Variants in RNF8 observed in about 807,000 individuals in gnomAD.
The protein encoded by RNF8 is E3 ubiquitin-protein ligase RNF8.
RNF8 carries 8 observed loss-of-function variants against 59.3 expected under a neutral mutation model. The observed-to-expected ratio is 0.13, with a 90% CI of 0.08 to 0.24. The LOEUF (loss-of-function observed/expected upper bound fraction) is 0.24, where lower values mean the gene tolerates loss of function less well. Among genes scored for constraint, RNF8 ranks in the 10% least tolerant of loss-of-function variants. The pLI is 1.00. For synonymous variants in RNF8, 162 were observed against 200.0 expected (o/e 0.81, Z 1.60); for missense variants, 406 against 572.6 (o/e 0.71, Z 2.97).
chr6:37,374,767 C>A, intron 5 of RNF8, 58 bp downstream of exon 5: 1 of 1,226,250 alleles, frequency 8.2e-7, no homozygotes, highest in Non-Finnish European at 1.2e-6. Context: ...TCAGCATTTT[C>A]AACAGTGCAA....
intron 2 of RNF8, among the ~76,000 whole-genome samples, chr6:37,364,178 C>CAAAAAA (rs35915593): frequency 0.021 from 1,744 of 82,176 alleles, 61 homozygotes; most frequent in African/African-American, 0.066. Flanking sequence ...GACTCTGTCT[C>CAAAAAA]AAAAAAAAAA....
In RNF8 at chr6:37,392,569, CTG is replaced by C; in HGVS notation, c.*1813_*1814del. The C allele has an allele frequency of 2.5e-6, 1 of 398,600 alleles. No individual in the cohort carries two copies. The highest frequency in any genetic ancestry group is 4.4e-6 in the Non-Finnish European group (1 of 226,060). The allele number at this position is 398,600 out of a possible 1,614,324, so 24.7% of individuals were successfully genotyped here. A position where few individuals can be genotyped will look rare whatever the true frequency, so the allele number is the denominator to read the frequency against. On this transcript the variant is annotated 3_prime_UTR_variant, in exon 8 of 8. Coordinates refer to ENST00000373479, the MANE Select transcript of RNF8 (RefSeq NM_003958.4). ...TTCCTTGCTTTGCACAAATGGTAAA[CTG>C]TACGCTATTCTGAACCTTGCTTTTT... is the stretch of plus-strand genomic sequence containing the variant.
At chr6:37,387,262 G>A (rs555184413) in intron 7 of RNF8, among the ~76,000 whole-genome samples, 18 of 152,294 alleles carry the variant, frequency 1.2e-4, no homozygotes, top group East Asian at 3.9e-4. Context: ...GTTACTTTCT[G>A]TATCCTGGAG....
At chr6:37,387,800 C>G (rs946746988) in intron 7 of RNF8, among the ~76,000 whole-genome samples, 18 of 152,148 alleles carry the variant, frequency 1.2e-4, no homozygotes, top group African/African-American at 4.1e-4. Flanking sequence ...ATAAAGGGTG[C>G]TAAGTCAAGG....
intron 7 of RNF8, among the ~76,000 whole-genome samples, chr6:37,384,480 A>C (rs1210155516): frequency 2.0e-5 from 3 of 152,080 alleles, no homozygotes; most frequent in Non-Finnish European, 2.9e-5. Flanking sequence ...TACTAGTGAG[A>C]GTGTGCCATG....
At chr6:37,362,781 A>G (rs925810892) in intron 2 of RNF8, among the ~76,000 whole-genome samples, 1 of 152,256 alleles carries the variant, frequency 6.6e-6, no homozygotes, top group Non-Finnish European at 1.5e-5. Flanking sequence ...TCAGAGCTGC[A>G]TTCTCTTATC....
At position 37,368,840 on chromosome 6, in the gene RNF8, C is replaced by T; in HGVS notation, c.597C>T (p.Pro199=). 1.2e-6 allele frequency: 2 copies of T among 1,614,086 alleles called. No homozygotes were observed. Among genetic ancestry groups the T allele is most frequent in the South Asian group, 1.1e-5 (1 of 91,072 alleles). The change falls in exon 3 of 8, where the codon CCC becomes CCT. Residue 199 remains proline, a synonymous_variant. Transcript: ENST00000373479. ...SQGKGEVAST[P]SDNLDPKLTA... The stretch of plus-strand genomic sequence containing the variant: ...GGAAAGGTGAAGTGGCCAGTACACC[C>T]TCTGACAATTTGGATCCTAAGTTGA...
chr6:37,379,763 G>A (rs169006), intron 6 of RNF8, among the ~76,000 whole-genome samples: 20,280 of 152,004 alleles, frequency 0.13, 4,028 homozygotes, highest in African/African-American at 0.43. Flanking sequence ...TAGAGATGAT[G>A]TCTTATATAA....
At position 37,390,912 on chromosome 6, in the gene RNF8, C is replaced by A. The variant is rs1770707909; in HGVS notation, c.*154C>A. 7.6e-7 allele frequency: 1 copy of A among 1,319,150 alleles called. No individual in the cohort carries two copies. Among genetic ancestry groups the A allele is most frequent in the Non-Finnish European group, 1.1e-6 (1 of 915,428 alleles). The allele number at this position is 1,319,150 out of a possible 1,614,324, so 81.7% of individuals were successfully genotyped here. On this transcript the variant is annotated 3_prime_UTR_variant, in exon 8 of 8. Transcript: ENST00000373479. ...GAGTTAGGAAGCCCTCAGTCACTTG[C>A]CTTCCACGGTGGCCAGCCCTGCTGC...
intron 2 of RNF8, 66 bp from the exon 3 acceptor site, chr6:37,368,418 G>A (rs1201780689): frequency 6.2e-7 from 1 of 1,613,212 alleles, no homozygotes; most frequent in Admixed American, 1.7e-5. Flanking sequence ...ACAGCAGCAG[G>A]AGAGAGATTC....
At chr6:37,364,511 T>C (rs1271605974) in intron 2 of RNF8, among the ~76,000 whole-genome samples, 3 of 152,214 alleles carry the variant, frequency 2.0e-5, no homozygotes, top group Admixed American at 6.5e-5. Context: ...TTAAAAAATA[T>C]ATTGACGGAT....
intron 1 of RNF8, among the ~76,000 whole-genome samples, chr6:37,357,789 C>T (rs918193906): frequency 6.6e-6 from 1 of 152,204 alleles, no homozygotes; most frequent in African/African-American, 2.4e-5. Context: ...TAAAAACACC[C>T]ACCCTAAAAT....
At chr6:37,387,427 C>T (rs1770553049) in intron 7 of RNF8, among the ~76,000 whole-genome samples, 2 of 152,168 alleles carry the variant, frequency 1.3e-5, no homozygotes, top group South Asian at 4.1e-4. Flanking sequence ...TGCAAACCTC[C>T]GCCTCCTGGG....
At position 37,392,701 on chromosome 6, in the gene RNF8, G is replaced by T; in HGVS notation, c.*1943G>T. ...ATTTGCACCATCATTTACTTTTCTG[G>T]CTTACTTTTGATAGAAATCTAGGTT... On this transcript the variant is annotated 3_prime_UTR_variant, in exon 8 of 8. Transcript: ENST00000373479. 1 of 398,312 alleles carries T rather than the reference G, an allele frequency of 2.5e-6. No individual in the cohort carries two copies. The highest frequency in any genetic ancestry group is 3.6e-5 in the East Asian group (1 of 28,062). 24.7% of individuals were successfully genotyped at this position (398,312 alleles called of 1,614,324 possible).
intron 7 of RNF8, among the ~76,000 whole-genome samples, chr6:37,382,586 G>T (rs1001785004): frequency 6.6e-6 from 1 of 152,118 alleles, no homozygotes; most frequent in South Asian, 2.1e-4. Context: ...GACGGGGTTG[G>T]GGGGTGGACC....
intron 2 of RNF8, among the ~76,000 whole-genome samples, chr6:37,362,229 T>C (rs904174873): frequency 6.6e-6 from 1 of 152,174 alleles, no homozygotes; most frequent in African/African-American, 2.4e-5. Context: ...AGTGTAGATG[T>C]GATCCACTTA....
intron 2 of RNF8, among the ~76,000 whole-genome samples, chr6:37,367,365 T>C (rs1393690628): frequency 1.3e-5 from 2 of 152,182 alleles, no homozygotes; most frequent in African/African-American, 4.8e-5. Flanking sequence ...TTAACCTCAA[T>C]ACTATGACTT....
At chr6:37,362,171 A>G (rs1305518883) in intron 2 of RNF8, among the ~76,000 whole-genome samples, 1 of 152,214 alleles carries the variant, frequency 6.6e-6, no homozygotes, top group Non-Finnish European at 1.5e-5. Context: ...TTAGGATTAC[A>G]ATATTATAGA....
At chr6:37,380,536 T>C (rs1471081127) in intron 6 of RNF8, among the ~76,000 whole-genome samples, 1 of 151,422 alleles carries the variant, frequency 6.6e-6, no homozygotes, top group Middle Eastern at 3.2e-3. Context: ...CCGGGTGTAG[T>C]GGCAGGCGCC....
Sources: allele counts gnomAD v4.1 joint callset (sites outside exome capture counted in the v4.1 genomes callset), GRCh38; gene constraint gnomAD v4.1.1; transcripts MANE v1.5; gene names NCBI Gene and HGNC (gene_info 2026-07-23, HGNC 2026-07-21).